Variants in CTSC observed in about 807,000 individuals in gnomAD.
CTSC encodes dipeptidyl peptidase 1.
In CTSC, 37 loss-of-function variants were observed where a neutral mutation model predicts 40.9. The ratio of observed to expected loss-of-function variants is 0.91; its 90% CI spans 0.70 to 1.19. The LOEUF (loss-of-function observed/expected upper bound fraction) is 1.19, where lower values mean the gene tolerates loss of function less well. Ranked by LOEUF, CTSC falls within the 50% of genes most tolerant of loss-of-function variation. The pLI is 0.00. For missense variants in CTSC, 594 were observed against 567.3 expected (o/e 1.05, Z -0.48); for synonymous variants, 232 against 207.4 (o/e 1.12, Z -1.02).
At chr11:88,324,801 CT>C in intron 2 of CTSC, 3 of 985,174 alleles carry the variant, frequency 3.0e-6, no homozygotes, top group Non-Finnish European at 3.6e-6. Context: ...CATCAAGGTC[CT>C]GAGTGATAAA....
chr11:88,332,739 T>G (rs1437583453), intron 2 of CTSC, among the ~76,000 whole-genome samples: 1 of 152,208 alleles, frequency 6.6e-6, no homozygotes, highest in African/African-American at 2.4e-5. Flanking sequence ...AACATGGCCC[T>G]GATAATGGTT....
In CTSC at chr11:88,325,921, T is replaced by C. The variant is rs539574167; in HGVS notation, c.318+9016A>G. 6.9e-4 allele frequency: 680 copies of C among 990,042 alleles called. 9 individuals carry two copies. In the African/African-American group the frequency reaches 0.011, roughly 16 times the overall value. 61.3% of individuals were successfully genotyped at this position (990,042 alleles called of 1,614,324 possible). On this transcript the variant is annotated intron_variant, in intron 2 of 6. Transcript: ENST00000227266. ...TTATTTTCTCCTTACAACAGGCTCT[T>C]GGGTTCCTCAAGGTAATTAGAGAAA...
chr11:88,294,603 T>G lies in CTSC; in HGVS notation c.890-95A>C, dbSNP rs1591218861. ...CTTTGCTCCATTATTCTTTGCATGT[T>G]ACCCCTGAAAGTTGTTCTTAGCTTA... On this transcript the variant is annotated intron_variant, in intron 6 of 6. Coordinates refer to ENST00000227266, the MANE Select transcript of CTSC (RefSeq NM_001814.6). 9 of 1,403,932 alleles carry G rather than the reference T, an allele frequency of 6.4e-6. No individual in the cohort carries two copies. In the East Asian group the frequency reaches 1.9e-4, roughly 29 times the overall value. 87.0% of individuals were successfully genotyped at this position (1,403,932 alleles called of 1,614,324 possible).
At position 88,303,110 on chromosome 11, in the gene CTSC, G is replaced by C. The variant is rs559801934; in HGVS notation, c.642-2465C>G. ...AATAGTTTCTGTGGTTTCACATTGA[G>C]AGAGTATGTTGAAGAAGAAACTCAA... is the stretch of plus-strand genomic sequence containing the variant. On this transcript the variant is annotated intron_variant, in intron 4 of 6. Transcript: ENST00000227266. Among the ~76,000 whole-genome samples, 4 of 152,300 alleles carry C rather than the reference G, an allele frequency of 2.6e-5. No homozygotes were observed. In the South Asian group the frequency reaches 6.2e-4, roughly 24 times the overall value.
chr11:88,312,640 T>G, intron 2 of CTSC, 86 bp from the exon 3 acceptor site: 1 of 1,375,466 alleles, frequency 7.3e-7, no homozygotes, highest in East Asian at 2.6e-5. Context: ...TCACAGTAAA[T>G]GTGCCCCTTT....
intron 2 of CTSC, among the ~76,000 whole-genome samples, chr11:88,326,772 T>C (rs1306096847): frequency 6.6e-6 from 1 of 152,212 alleles, no homozygotes; most frequent in Non-Finnish European, 1.5e-5. Context: ...TTAACATGTA[T>C]ACCTTGCAAA....
intron 2 of CTSC, chr11:88,326,475 C>T: frequency 7.3e-7 from 1 of 1,362,414 alleles, no homozygotes; most frequent in South Asian, 1.2e-5. Context: ...GGTTACAAGC[C>T]AACAAGGATC....
intron 2 of CTSC, among the ~76,000 whole-genome samples, chr11:88,318,525 T>C (rs1039164515): frequency 2.6e-5 from 4 of 152,232 alleles, no homozygotes; most frequent in Admixed American, 1.3e-4. Flanking sequence ...ACTGGGCAGC[T>C]GACACTGGGA....
intron 1 of CTSC, among the ~76,000 whole-genome samples, chr11:88,336,494 C>G (rs536441143): frequency 4.6e-5 from 7 of 150,606 alleles, no homozygotes; most frequent in Admixed American, 1.3e-4. Flanking sequence ...AGCCGAGATC[C>G]CGCCACTGAA....
At chr11:88,329,196 T>C (rs1484095723) in intron 2 of CTSC, among the ~76,000 whole-genome samples, 4 of 151,882 alleles carry the variant, frequency 2.6e-5, no homozygotes, top group Admixed American at 6.6e-5. Context: ...AGAAAGCCTA[T>C]TCAGGCTGGG....
At chr11:88,330,110 C>G (rs1470905491) in intron 2 of CTSC, among the ~76,000 whole-genome samples, 1 of 152,220 alleles carries the variant, frequency 6.6e-6, no homozygotes, top group Non-Finnish European at 1.5e-5. Context: ...ATCTTAGAAA[C>G]TGGCCTGTAG....
chr11:88,325,237 A>G, intron 2 of CTSC: 1 of 985,384 alleles, frequency 1.0e-6, no homozygotes, highest in Non-Finnish European at 1.2e-6. Context: ...TGAAGTTTAC[A>G]AAGCTCTTCT....
At chr11:88,312,261 T>C in intron 3 of CTSC, 127 bp downstream of exon 3, 3 of 884,966 alleles carry the variant, frequency 3.4e-6, no homozygotes, top group Middle Eastern at 3.1e-4. Flanking sequence ...AGGTTTTACA[T>C]AGCATGCCTA....
At chr11:88,308,366 GACA>G (rs1937681036) in intron 4 of CTSC, among the ~76,000 whole-genome samples, 1 of 151,506 alleles carries the variant, frequency 6.6e-6, no homozygotes, top group Non-Finnish European at 1.5e-5. Flanking sequence ...GAGGTTATAA[GACA>G]TGCAACTCCA....
At chr11:88,329,455 CAAAAAAAAAAAAAA>C (rs34568364) in intron 2 of CTSC, among the ~76,000 whole-genome samples, 10 of 67,870 alleles carry the variant, frequency 1.5e-4, no homozygotes, top group African/African-American at 4.5e-4. Context: ...GACTCCATTT[CAAAAAAAAAAAAAA>C]AAAAAAAAAA....
In CTSC at chr11:88,293,944, T is replaced by C; in HGVS notation, c.*62A>G. ...ATTGCTGCTGAAAGTCTACAGTCTG[T>C]GAATATACCAATTCCCCTTTACAAC... is the stretch of plus-strand genomic sequence containing the variant. On this transcript the variant is annotated 3_prime_UTR_variant, in exon 7 of 7. Coordinates refer to ENST00000227266, the MANE Select transcript of CTSC (RefSeq NM_001814.6). The C allele has an allele frequency of 6.4e-7, 1 of 1,556,986 alleles. No homozygotes were observed. Among genetic ancestry groups the C allele is most frequent in the Non-Finnish European group, 8.8e-7 (1 of 1,133,804 alleles).
chr11:88,318,306 C>G (rs1937923194), intron 2 of CTSC, among the ~76,000 whole-genome samples: 1 of 152,138 alleles, frequency 6.6e-6, no homozygotes, highest in Non-Finnish European at 1.5e-5. Flanking sequence ...AACTAGTGAG[C>G]CTCAGTTACT....
At chr11:88,337,413 TG>T (rs1306777357) in intron 1 of CTSC, 87 bp downstream of exon 1, 4 of 1,352,608 alleles carry the variant, frequency 3.0e-6, no homozygotes, top group East Asian at 2.5e-5. Flanking sequence ...AGCGTCTGCC[TG>T]GGGGGAAGCG....
intron 2 of CTSC, among the ~76,000 whole-genome samples, chr11:88,318,970 A>G (rs781642643): frequency 1.2e-4 from 18 of 152,202 alleles, no homozygotes; most frequent in Non-Finnish European, 2.2e-4. Flanking sequence ...TATTTAATAT[A>G]TGAAACAACA....
Sources: allele counts gnomAD v4.1 joint callset (sites outside exome capture counted in the v4.1 genomes callset), GRCh38; gene constraint gnomAD v4.1.1; transcripts MANE v1.5; gene names NCBI Gene and HGNC (gene_info 2026-07-23, HGNC 2026-07-21).